Variants in CACNA1A observed in about 807,000 individuals in gnomAD.
CACNA1A encodes the protein voltage-dependent P/Q-type calcium channel subunit alpha-1A.
Under a neutral mutation model 262.4 loss-of-function variants are expected in CACNA1A, and 57 were observed. The observed-to-expected ratio is 0.22, with a 90% CI of 0.18 to 0.27. The LOEUF is 0.27. CACNA1A is among the 10% of genes least tolerant of loss of function. The pLI is 1.00. For synonymous variants in CACNA1A, 1,431 were observed against 1,419.3 expected (o/e 1.01, Z -0.18); for missense variants, 2,526 against 3,562.8 (o/e 0.71, Z 7.41).
In CACNA1A at chr19:13,286,922, G is replaced by A; in HGVS notation, c.3134C>T (p.Ser1045Leu). The change falls in exon 20 of 47, where the codon TCA (serine) becomes TTA (leucine). Residue 1045 changes from serine to leucine, a missense_variant. Ser to Leu is a moderately radical substitution (Grantham distance 145, BLOSUM62 -2). This residue lies in a region of CACNA1A where 765 missense variants were observed against 748.6 expected (regional missense o/e 1.02). Coordinates refer to ENST00000360228, the MANE Select transcript of CACNA1A (RefSeq NM_001127222.2). ...GTCCTGCTGGATTGGCCGGGTGGTT[G>A]ACAGGTTGGGGCCCGACACAGGGAC... ...SGVPVSGPNL[S>L]TTRPIQQDLG... 1 of 1,612,312 alleles carries A rather than the reference G, an allele frequency of 6.2e-7. No homozygotes were observed. Among genetic ancestry groups the A allele is most frequent in the Non-Finnish European group, 8.5e-7 (1 of 1,179,196 alleles).
chr19:13,339,792 C>T (rs1347339403), intron 6 of CACNA1A, among the ~76,000 whole-genome samples: 2 of 150,112 alleles, frequency 1.3e-5, no homozygotes, highest in Non-Finnish European at 3.0e-5. Context: ...AAAAAAAGCA[C>T]TGAAAATAAA....
At chr19:13,436,530 CTCACTCATTCAT>C (rs752723470) in intron 3 of CACNA1A, among the ~76,000 whole-genome samples, 3 of 151,220 alleles carry the variant, frequency 2.0e-5, no homozygotes, top group Non-Finnish European at 2.9e-5. Context: ...CATTCATTCA[CTCACTCATTCAT>C]TCACTCATTC....
In CACNA1A at chr19:13,506,340, A is replaced by T. The variant is rs1394780593; in HGVS notation, c.-116T>A. ...CCGGGGCTGGGAGCGCGGCGGCTGG[A>T]GCTACGACTGCGGAGACGCTCCACG... On this transcript the variant is annotated 5_prime_UTR_variant, in exon 1 of 47. Coordinates refer to ENST00000360228, the MANE Select transcript of CACNA1A (RefSeq NM_001127222.2). 2.1e-6 allele frequency: 2 copies of T among 966,470 alleles called. No homozygotes were observed. The highest frequency in any genetic ancestry group is 1.8e-5 in the African/African-American group (1 of 57,084). 59.9% of individuals were successfully genotyped at this position (966,470 alleles called of 1,614,324 possible). A position where few individuals can be genotyped will look rare whatever the true frequency, so the allele number is the denominator to read the frequency against.
Position 13,261,565 on chromosome 19 carries a change from T to C in CACNA1A, c.4135A>G (p.Ile1379Val). The stretch of plus-strand genomic sequence containing the variant: ...ATGAATAGCATGTAGACGATGAGGA[T>C]GTTGAAGACGTTTTTAAGTGAGTTC... ...VVNSLKNVFNILIVYMLFMFI... is the reference protein window; with the variant it reads ...VVNSLKNVFNVLIVYMLFMFI... Residue 1379 changes from isoleucine to valine, a missense_variant, in exon 26 of 47, where the codon ATC becomes GTC. Coordinates refer to ENST00000360228, the MANE Select transcript of CACNA1A (RefSeq NM_001127222.2). 2 of 1,609,116 alleles carry C rather than the reference T, an allele frequency of 1.2e-6. No individual in the cohort carries two copies. The highest frequency in any genetic ancestry group is 8.5e-7 in the Non-Finnish European group (1 of 1,177,754).
chr19:13,407,344 T>G (rs1448444276), intron 3 of CACNA1A, among the ~76,000 whole-genome samples: 1 of 152,252 alleles, frequency 6.6e-6, no homozygotes, highest in African/African-American at 2.4e-5. Context: ...AGATTTGCTC[T>G]TACGAGAAAA....
chr19:13,487,276 C>T (rs541950389), intron 1 of CACNA1A, among the ~76,000 whole-genome samples: 63 of 152,316 alleles, frequency 4.1e-4, no homozygotes, highest in African/African-American at 1.5e-3. Context: ...TTAAGCCAGG[C>T]TGATGAGTAG....
chr19:13,463,050 T>G (rs531014303), intron 1 of CACNA1A, among the ~76,000 whole-genome samples: 1 of 151,964 alleles, frequency 6.6e-6, no homozygotes, highest in East Asian at 1.9e-4. Context: ...TATGAGCCAC[T>G]GTGCCCAGCC....
intron 3 of CACNA1A, among the ~76,000 whole-genome samples, chr19:13,441,667 GAA>G (rs758379687): frequency 7.0e-5 from 8 of 113,854 alleles, no homozygotes; most frequent in Admixed American, 9.4e-5. Context: ...CTGTCTCGAG[GAA>G]AAAAAAAAAA....
intron 1 of CACNA1A, among the ~76,000 whole-genome samples, chr19:13,495,305 TA>T (rs753533834): frequency 5.3e-5 from 8 of 152,118 alleles, no homozygotes; most frequent in Admixed American, 2.0e-4. Context: ...TTTATTTATT[TA>T]TTTATTTTGA....
At chr19:13,420,049 C>G (rs1283161027) in intron 3 of CACNA1A, among the ~76,000 whole-genome samples, 1 of 151,858 alleles carries the variant, frequency 6.6e-6, no homozygotes, top group Non-Finnish European at 1.5e-5. Context: ...CTACTACACT[C>G]CAGCCTGGGC....
intron 1 of CACNA1A, among the ~76,000 whole-genome samples, chr19:13,456,983 C>T (rs1313815837): frequency 6.6e-6 from 1 of 152,142 alleles, no homozygotes; most frequent in Non-Finnish European, 1.5e-5. Context: ...GATGCGGTGG[C>T]TCATGCCTGT....
At chr19:13,458,637 T>C (rs981366119) in intron 1 of CACNA1A, among the ~76,000 whole-genome samples, 1 of 152,168 alleles carries the variant, frequency 6.6e-6, no homozygotes, top group Non-Finnish European at 1.5e-5. Context: ...GGTAAACTCC[T>C]CCCTGCATCC....
chr19:13,251,923 C>T (rs2056408656), intron 30 of CACNA1A, among the ~76,000 whole-genome samples: 1 of 152,066 alleles, frequency 6.6e-6, no homozygotes, highest in East Asian at 1.9e-4. Flanking sequence ...CACAAGCACG[C>T]CAGGCTAATT....
At chr19:13,499,080 C>A (rs1038955987) in intron 1 of CACNA1A, among the ~76,000 whole-genome samples, 2 of 151,994 alleles carry the variant, frequency 1.3e-5, no homozygotes, top group African/African-American at 2.4e-5. Context: ...TACCTAAATT[C>A]TAAACCAAAA....
intron 3 of CACNA1A, among the ~76,000 whole-genome samples, chr19:13,433,789 T>C (rs2060562602): frequency 6.6e-6 from 1 of 152,136 alleles, no homozygotes. Flanking sequence ...TTGCAGTGTG[T>C]CTAGCTAACC....
chr19:13,491,376 A>G (rs2145130813), intron 1 of CACNA1A, among the ~76,000 whole-genome samples: 1 of 152,256 alleles, frequency 6.6e-6, no homozygotes, highest in East Asian at 1.9e-4. Context: ...AGCTCCCCAC[A>G]GAGAGGAGCT....
At chr19:13,477,867 C>T (rs1024518623) in intron 1 of CACNA1A, among the ~76,000 whole-genome samples, 1 of 152,166 alleles carries the variant, frequency 6.6e-6, no homozygotes, top group Admixed American at 6.5e-5. Context: ...TGTTATACGA[C>T]GATTATTTGT....
chr19:13,208,906 G>C lies in CACNA1A; in HGVS notation c.6630C>G (p.His2210Gln), dbSNP rs1006425986. The change falls in exon 46 of 47, where the codon CAC becomes CAG. Residue 2210 changes from histidine (H) to glutamine (Q), a missense_variant. By Grantham distance (24) the His-to-Gln change is conservative. Around this residue, in one of 17 missense-constraint regions of CACNA1A, gnomAD observed 929 missense variants for 868.1 expected, o/e 1.07. Coordinates refer to ENST00000360228, the MANE Select transcript of CACNA1A (RefSeq NM_001127222.2). ...GGTGGTGGTGGTGGTGGTGGTGGTG[G>C]TGCTGTCGATGCTTCCGATCCTTGG... is the stretch of plus-strand genomic sequence containing the variant. The part of the protein sequence containing the change: ...GRPKDRKHRQ[H>Q]HHHHHHHHHP... 1.3e-5 allele frequency: 20 copies of C among 1,536,706 alleles called. No individual in the cohort carries two copies. The highest frequency in any genetic ancestry group is 7.3e-5 in the East Asian group (3 of 40,902).
intron 11 of CACNA1A, 33 bp from the exon 12 acceptor site, chr19:13,312,814 T>C: frequency 2.4e-5 from 26 of 1,104,440 alleles, no homozygotes; most frequent in Non-Finnish European, 3.3e-5. Context: ...AGAGAGGAGG[T>C]TAGGCTTGCT....
Sources: gnomAD v4.1 joint callset for allele counts (sites outside exome capture counted in the v4.1 genomes callset) on GRCh38, gnomAD v4.1.1 for gene constraint, gnomAD v4.1.1 regional missense constraint, MANE v1.5 for transcripts, NCBI Gene and HGNC (gene_info 2026-07-23, HGNC 2026-07-21) for gene names.